NSFL1C: variants seen among roughly 807,000 people sequenced by gnomAD.
NSFL1C encodes NSFL1 cofactor p47.
A neutral mutation model predicts 43.1 loss-of-function variants in NSFL1C; 14 were observed. The observed-to-expected ratio is 0.32, with a 90% confidence interval of 0.21 to 0.51. NSFL1C has a LOEUF of 0.51. Among genes scored for constraint, NSFL1C ranks in the 20% least tolerant of loss-of-function variants. The pLI is 0.98. For missense variants in NSFL1C, 406 were observed against 472.5 expected (o/e 0.86, Z 1.30); for synonymous variants, 171 against 183.5 (o/e 0.93, Z 0.55).
At chr20:1,452,333 T>C (rs969159317) in intron 7 of NSFL1C, among the ~76,000 whole-genome samples, 160 bp downstream of exon 7, 1 of 152,120 alleles carries the variant, frequency 6.6e-6, no homozygotes, top group Non-Finnish European at 1.5e-5. Context: ...GTCTGTTAAC[T>C]CCAGTCCATG....
intron 2 of NSFL1C, among the ~76,000 whole-genome samples, chr20:1,460,322 C>T (rs936055077): frequency 3.3e-5 from 5 of 152,188 alleles, no homozygotes; most frequent in African/African-American, 1.2e-4. Flanking sequence ...CCCAGGCCCC[C>T]TCTTAATTCT....
At position 1,452,389 on chromosome 20, in the gene NSFL1C, G is replaced by A. The variant is rs78730996; in HGVS notation, c.785+104C>T. On this transcript the variant is annotated intron_variant, in intron 7 of 8. Transcript: ENST00000216879. Reference sequence around the variant, plus strand: ...ATACAAATAAAATTTGAAGTATTTTGTAAACAGTAAAGAGCTAATAACCAA... The same window carrying A: ...ATACAAATAAAATTTGAAGTATTTTATAAACAGTAAAGAGCTAATAACCAA... 1.1e-3 allele frequency: 1,589 copies of A among 1,417,978 alleles called. 36 individuals carry two copies. The East Asian group carries it at 0.033, about 29-fold the overall frequency. The allele number at this position is 1,417,978 out of a possible 1,614,324, so 87.8% of individuals were successfully genotyped here. A position where few individuals can be genotyped will look rare whatever the true frequency, so the allele number is the denominator to read the frequency against.
Position 1,458,264 on chromosome 20 carries a change from C to T in NSFL1C, c.214G>A (p.Val72Met). The T allele has an allele frequency of 1.2e-6, 2 of 1,613,642 alleles. No homozygotes were observed. Among genetic ancestry groups the T allele is most frequent in the Non-Finnish European group, 1.7e-6 (2 of 1,179,604 alleles). The change falls in exon 3 of 9, where the codon GTG (valine) becomes ATG (methionine). Residue 72 changes from valine (V) to methionine (M), a missense_variant. This residue lies in a region of NSFL1C where 203 missense variants were observed against 216.3 expected (regional missense o/e 0.94). Transcript: ENST00000216879. ...TGAATGAGGTCTCTGAAGGATGTCA[C>T]TCTATTATCACTGGAGACACAGAAA... ...SRGTAPSDNR[V>M]TSFRDLIHDQ...
At chr20:1,449,578 T>C (rs2090142192) in intron 7 of NSFL1C, among the ~76,000 whole-genome samples, 1 of 152,170 alleles carries the variant, frequency 6.6e-6, no homozygotes, top group Non-Finnish European at 1.5e-5. Flanking sequence ...GGGCTACTGC[T>C]CCCAGTGAGC....
chr20:1,450,305 A>G (rs941513107), intron 7 of NSFL1C, among the ~76,000 whole-genome samples: 3 of 152,162 alleles, frequency 2.0e-5, no homozygotes, highest in Admixed American at 6.5e-5. Context: ...CTGAAAAGCT[A>G]AAGTCCCATC....
At chr20:1,466,050 G>A (rs1336872482) in intron 1 of NSFL1C, among the ~76,000 whole-genome samples, 1 of 152,176 alleles carries the variant, frequency 6.6e-6, no homozygotes, top group Non-Finnish European at 1.5e-5. Context: ...ATTACCGAAT[G>A]CTTATTATGT....
Position 1,453,260 on chromosome 20 carries a change from A to G in NSFL1C, c.538-120T>C, listed in dbSNP as rs962608810. On this transcript the variant is annotated intron_variant, in intron 5 of 8. Coordinates refer to ENST00000216879, the MANE Select transcript of NSFL1C (RefSeq NM_016143.5). ...CTACTATTAAAACACACATAGAGAC[A>G]CACATATATACATGTGTGCACAAGC... The G allele has an allele frequency of 1.4e-5, 9 of 653,552 alleles. No individual in the cohort carries two copies. In the Admixed American group the frequency reaches 1.9e-4, roughly 14 times the overall value. 40.5% of individuals were successfully genotyped at this position (653,552 alleles called of 1,614,324 possible).
intron 3 of NSFL1C, chr20:1,457,170 T>C (rs946646101): frequency 2.0e-5 from 3 of 152,200 alleles, no homozygotes; most frequent in African/African-American, 7.2e-5. Context: ...TATAAGCCTA[T>C]TATTCTGTTT....
chr20:1,452,341 A>G, intron 7 of NSFL1C, 152 bp downstream of exon 7: 1 of 1,067,402 alleles, frequency 9.4e-7, no homozygotes. Context: ...ACTCCAGTCC[A>G]TGTTCTCCAC....
At chr20:1,460,095 G>A (rs1343825993) in intron 2 of NSFL1C, among the ~76,000 whole-genome samples, 1 of 152,160 alleles carries the variant, frequency 6.6e-6, no homozygotes, top group African/African-American at 2.4e-5. Flanking sequence ...TCTTGGACAT[G>A]CTATTTAAAT....
At chr20:1,458,390 G>C (rs1363037121) in intron 2 of NSFL1C, 116 bp from the exon 3 acceptor site, 17 of 758,640 alleles carry the variant, frequency 2.2e-5, no homozygotes, top group Non-Finnish European at 3.5e-5. Flanking sequence ...GGCGAGAGGA[G>C]GACGTTATGT....
At position 1,443,882 on chromosome 20, in the gene NSFL1C, T is replaced by C; in HGVS notation, c.980A>G (p.Asp327Gly). ...GGTGGCAGCCATGGCTGGCCGGGCA[T>C]CCACGATGAAGAGTCGGATGTCGCT... ...RISDIRLFIV[D>G]ARPAMAATSF... Residue 327 changes from aspartate (D) to glycine (G), a missense_variant, in exon 9 of 9, where the codon GAT becomes GGT. Asp to Gly is a moderately conservative substitution (Grantham distance 94). Around this residue, in one of 3 missense-constraint regions of NSFL1C, gnomAD observed 196 missense variants for 228.0 expected, o/e 0.86. Coordinates refer to ENST00000216879, the MANE Select transcript of NSFL1C (RefSeq NM_016143.5). 1 of 1,613,180 alleles carries C rather than the reference T, an allele frequency of 6.2e-7. No individual in the cohort carries two copies. The highest frequency in any genetic ancestry group is 8.5e-7 in the Non-Finnish European group (1 of 1,179,904).
At position 1,452,648 on chromosome 20, in the gene NSFL1C, A is replaced by G. The variant is rs754150326; in HGVS notation, c.648-18T>C. On this transcript the variant is annotated intron_variant, in intron 6 of 8. Coordinates refer to ENST00000216879, the MANE Select transcript of NSFL1C (RefSeq NM_016143.5). ...GCACCTCCCTGTGGAAGAAAAGGCC[A>G]TGCTGAGGTCCACAGAGAGAAGATG... The G allele has an allele frequency of 3.2e-5, 51 of 1,613,742 alleles. 1 individual carries two copies. In the South Asian group the frequency reaches 5.2e-4, roughly 16 times the overall value.
chr20:1,451,647 C>T (rs2090182696), intron 7 of NSFL1C, among the ~76,000 whole-genome samples: 1 of 152,208 alleles, frequency 6.6e-6, no homozygotes, highest in African/African-American at 2.4e-5. Flanking sequence ...GAAGAACACT[C>T]ATCAGGTGAC....
At position 1,445,786 on chromosome 20, in the gene NSFL1C, G is replaced by T. The variant is rs149644870; in HGVS notation, c.830C>A (p.Ala277Glu). The change falls in exon 8 of 9, where the codon GCA becomes GAA. Residue 277 changes from alanine (A) to glutamate (E), a missense_variant. Around this residue, in one of 3 missense-constraint regions of NSFL1C, gnomAD observed 196 missense variants for 228.0 expected, o/e 0.86. Transcript: ENST00000216879. ...AGAGCTGGCTTTGGCTTCATTTTCTGCCTGTTGGGCTGGAGAGCTGGTACT... is the reference window on the plus strand; with the variant it reads ...AGAGCTGGCTTTGGCTTCATTTTCTTCCTGTTGGGCTGGAGAGCTGGTACT... Reference protein sequence around the residue: ...VLSTSSPAQQAENEAKASSSI... With the variant: ...VLSTSSPAQQEENEAKASSSI... The T allele has an allele frequency of 4.8e-4, 767 of 1,613,928 alleles. No homozygotes were observed. The highest frequency in any genetic ancestry group is 6.2e-4 in the Non-Finnish European group (731 of 1,180,018).
At chr20:1,464,680 TATGAAGAAACGTG>T (rs2090475474) in intron 1 of NSFL1C, among the ~76,000 whole-genome samples, 1 of 152,232 alleles carries the variant, frequency 6.6e-6, no homozygotes, top group African/African-American at 2.4e-5. Context: ...ATTCTCATTT[TATGAAGAAACGTG>T]ATCTAGTAAA....
intron 1 of NSFL1C, among the ~76,000 whole-genome samples, chr20:1,465,878 A>G (rs1217482056): frequency 6.6e-6 from 1 of 152,202 alleles, no homozygotes; most frequent in Non-Finnish European, 1.5e-5. Context: ...AACCTCTTTA[A>G]TCTCAGCTGC....
chr20:1,454,729 C>T (rs184377775), intron 4 of NSFL1C, among the ~76,000 whole-genome samples: 2 of 152,272 alleles, frequency 1.3e-5, no homozygotes, highest in Non-Finnish European at 2.9e-5. Flanking sequence ...ATTTGATAGG[C>T]CAAACAAAAC....
rs2090469878 is a variant in NSFL1C, at chr20:1,464,423, C to T, written c.109G>A (p.Ala37Thr). Residue 37 changes from alanine (A) to threonine (T), a missense_variant, in exon 2 of 9, where the codon GCG becomes ACG. Physicochemically the swap from Ala to Thr is moderately conservative, Grantham distance 58. Transcript: ENST00000216879. The part of the protein sequence containing the change: ...LESAGWDLQI[A>T]LASFYEDGGD... ...CCGTCCTCATAAAAGCTCGCTAGCGCGATCTGAAACAGAGAGGTAGTACCT... is the reference window on the plus strand; with the variant it reads ...CCGTCCTCATAAAAGCTCGCTAGCGTGATCTGAAACAGAGAGGTAGTACCT... 23 of 1,614,148 alleles carry T rather than the reference C, an allele frequency of 1.4e-5. No homozygotes were observed. The highest frequency in any genetic ancestry group is 1.9e-5 in the Non-Finnish European group (22 of 1,179,950).
Sources: allele counts gnomAD v4.1 joint callset (sites outside exome capture counted in the v4.1 genomes callset), GRCh38; gene constraint gnomAD v4.1.1; regional missense constraint gnomAD v4.1.1; transcripts MANE v1.5; gene names NCBI Gene and HGNC (gene_info 2026-07-23, HGNC 2026-07-21).